The following BCL2L14 variants were observed in gnomAD, a reference collection of about 807,000 sequenced individuals.
BCL2L14 encodes the protein BCL2 like 14, also known as apoptosis facilitator Bcl-2-like protein 14.
BCL2L14 carries 27 observed loss-of-function variants against 35.3 expected under a neutral mutation model. The ratio of observed to expected loss-of-function variants is 0.76; its 90% CI spans 0.56 to 1.05. The LOEUF (loss-of-function observed/expected upper bound fraction) is 1.05, where lower values mean the gene tolerates loss of function less well. Ranked by LOEUF, BCL2L14 falls within the 50% of genes least tolerant of loss-of-function variation. BCL2L14 has a pLI of 0.00. For synonymous variants in BCL2L14, 139 were observed against 145.9 expected, an observed-to-expected ratio of 0.95 and a Z score of 0.34; for missense variants, 377 against 382.6, an observed-to-expected ratio of 0.99 and a Z score of 0.12.
At chr12:12,052,052 T>C (rs1171364403) in intron 2 of BCL2L14, among the ~76,000 whole-genome samples, 1 of 152,206 alleles carries the variant, frequency 6.6e-6, no homozygotes, top group Non-Finnish European at 1.5e-5. Context: ...TGTTTTCTTT[T>C]TCTTTTTTGA....
intron 2 of BCL2L14, among the ~76,000 whole-genome samples, chr12:12,059,915 G>A (rs1401040887): frequency 1.3e-5 from 2 of 152,128 alleles, no homozygotes; most frequent in Non-Finnish European, 2.9e-5. Flanking sequence ...GATGCCTGAT[G>A]TCCAGGCATT....
rs1185688187 is a variant in BCL2L14, at chr12:12,087,205, T to C, written c.434-8T>C. On this transcript the variant is annotated splice_polypyrimidine_tract_variant and splice_region_variant and intron_variant, in intron 2 of 5. Coordinates refer to ENST00000308721, the MANE Select transcript of BCL2L14 (RefSeq NM_138723.2). The stretch of plus-strand genomic sequence containing the variant: ...AGGGCCTCTCAGCACCATTTTGTCT[T>C]GTTTCAGCTGTGGACCCCAAAGTCA... 2 of 1,613,874 alleles carry C rather than the reference T, an allele frequency of 1.2e-6. No homozygotes were observed. Among genetic ancestry groups the C allele is most frequent in the East Asian group, 2.2e-5 (1 of 44,876 alleles).
chr12:12,087,374 AGTTCT>A lies in BCL2L14; in HGVS notation c.596_600del (p.Ser199LysfsTer4). The A allele has an allele frequency of 6.2e-7, 1 of 1,614,092 alleles. No homozygotes were observed. Among genetic ancestry groups the A allele is most frequent in the Non-Finnish European group, 8.5e-7 (1 of 1,180,014 alleles). On this transcript the variant is annotated frameshift_variant, in exon 3 of 6. Coordinates refer to ENST00000308721, the MANE Select transcript of BCL2L14 (RefSeq NM_138723.2). LOFTEE classifies it high-confidence loss of function. ...CCAAGGCCACGTGCCTGTAGCTTCA[AGTTCT>A]AAGAAAGGTAAGCTTTCCTTCCCTG...
intron 2 of BCL2L14, among the ~76,000 whole-genome samples, chr12:12,086,022 G>A (rs1949034893): frequency 6.6e-6 from 1 of 152,164 alleles, no homozygotes; most frequent in East Asian, 1.9e-4. Context: ...TAAAAGTTTA[G>A]GATTTAGGTT....
At chr12:12,074,410 T>C (rs2136735626) in intron 1 of BCL2L14, among the ~76,000 whole-genome samples, 1 of 152,336 alleles carries the variant, frequency 6.6e-6, no homozygotes, top group East Asian at 1.9e-4. Context: ...ATGTACACTA[T>C]ATATACTTGA....
intron 5 of BCL2L14, chr12:12,096,314 A>G (rs1343311389): frequency 6.8e-6 from 2 of 293,532 alleles, no homozygotes; most frequent in Non-Finnish European, 1.0e-5. Flanking sequence ...TGTAGCTAAA[A>G]TACCATAAAT....
At chr12:12,050,390 G>A (rs1366546208) in intron 1 of BCL2L14, among the ~76,000 whole-genome samples, 4 of 139,488 alleles carry the variant, frequency 2.9e-5, no homozygotes, top group Admixed American at 2.3e-4. Context: ...CCTAGATTGC[G>A]CCACTGCACT....
At chr12:12,069,413 T>A (rs566664580), upstream of BCL2L14, among the ~76,000 whole-genome samples, 1 of 151,982 alleles carries the variant, frequency 6.6e-6, no homozygotes, top group African/African-American at 2.4e-5. Context: ...AGGTTGCAAG[T>A]TTTTGGCCAG....
chr12:12,090,841 G>C lies in BCL2L14; in HGVS notation c.670G>C (p.Glu224Gln). 6.2e-7 allele frequency: 1 copy of C among 1,612,578 alleles called. No individual in the cohort carries two copies. Among genetic ancestry groups the C allele is most frequent in the Non-Finnish European group, 8.5e-7 (1 of 1,179,068 alleles). Residue 224 changes from glutamate (E) to glutamine (Q), a missense_variant, in exon 4 of 6, where the codon GAA becomes CAA. Coordinates refer to ENST00000308721, the MANE Select transcript of BCL2L14 (RefSeq NM_138723.2). Reference sequence around the variant, plus strand: ...GCTGAAATATTCAGGAGATCAGTTGGAAAGAAAGGTATGGAACACCTTGAA... The same window carrying C: ...GCTGAAATATTCAGGAGATCAGTTGCAAAGAAAGGTATGGAACACCTTGAA... ...ELLKYSGDQL[E>Q]RKLKKDKALM... is the part of the protein sequence containing the mutation.
At chr12:12,075,576 C>A (rs539606077) in intron 1 of BCL2L14, among the ~76,000 whole-genome samples, 9 of 152,040 alleles carry the variant, frequency 5.9e-5, no homozygotes, top group South Asian at 2.1e-4. Flanking sequence ...CAGGCATGTG[C>A]CACCATGCCT....
chr12:12,065,463 G>C (rs1310428938), intron 2 of BCL2L14, among the ~76,000 whole-genome samples: 1 of 151,880 alleles, frequency 6.6e-6, no homozygotes, highest in African/African-American at 2.4e-5. Flanking sequence ...TTGAACCGGG[G>C]AGGCGGAGGT....
chr12:12,063,120 C>A (rs937948928), intron 2 of BCL2L14, among the ~76,000 whole-genome samples: 3 of 151,690 alleles, frequency 2.0e-5, no homozygotes, highest in Non-Finnish European at 4.4e-5. Flanking sequence ...AACTTGTCAT[C>A]CCTACTATCT....
chr12:12,076,677 T>C (rs929767191), intron 1 of BCL2L14, among the ~76,000 whole-genome samples: 1 of 152,112 alleles, frequency 6.6e-6, no homozygotes, highest in African/African-American at 2.4e-5. Context: ...CTCACTTCCA[T>C]CAGAACGCAC....
chr12:12,075,808 C>T (rs919371588), intron 1 of BCL2L14, among the ~76,000 whole-genome samples: 2 of 151,904 alleles, frequency 1.3e-5, no homozygotes, highest in Admixed American at 6.6e-5. Context: ...TTGAAGAAAC[C>T]GGCCATTTGT....
At chr12:12,087,674 G>A (rs1949077607) in intron 3 of BCL2L14, among the ~76,000 whole-genome samples, 1 of 152,258 alleles carries the variant, frequency 6.6e-6, no homozygotes, top group South Asian at 2.1e-4. Context: ...CTTGTCTGTG[G>A]CGGAAAATGC....
Position 12,087,362 on chromosome 12 carries a change from C to T in BCL2L14, c.583C>T (p.Pro195Ser). Residue 195 changes from proline to serine, a missense_variant, in exon 3 of 6, where the codon CCT (proline) becomes TCT (serine). Physicochemically the swap from Pro to Ser is moderately conservative, Grantham distance 74 (BLOSUM62 -1). Coordinates refer to ENST00000308721, the MANE Select transcript of BCL2L14 (RefSeq NM_138723.2). ...CTCCTTCCAGCTCCAAGGCCACGTG[C>T]CTGTAGCTTCAAGTTCTAAGAAAGG... ...GLSFQLQGHVPVASSSKKDEE... is the reference protein window; with the variant it reads ...GLSFQLQGHVSVASSSKKDEE... 6.2e-7 allele frequency: 1 copy of T among 1,614,196 alleles called. No individual in the cohort carries two copies. Among genetic ancestry groups the T allele is most frequent in the Non-Finnish European group, 8.5e-7 (1 of 1,180,032 alleles).
rs189464933 is a variant in BCL2L14 at position 12,058,697 on chromosome 12, T to G, written c.-272+6850T>G. Among the ~76,000 whole-genome samples the G allele has an allele frequency of 2.3e-3, 356 of 152,108 alleles. 4 individuals carry two copies. The highest frequency in any genetic ancestry group is 0.016 in the Admixed American group (243 of 15,268). Reference sequence around the variant, plus strand: ...CCCTTCACTGACTCTCTTTTCGGACTCAGCCCGCCTGCACCCAGGTGAAAT... The same window carrying G: ...CCCTTCACTGACTCTCTTTTCGGACGCAGCCCGCCTGCACCCAGGTGAAAT... On this transcript the variant is annotated intron_variant, in intron 2 of 3. Transcript: ENST00000461264.
intron 3 of BCL2L14, 49 bp from the exon 4 acceptor site, chr12:12,090,730 A>G: frequency 6.7e-7 from 1 of 1,487,310 alleles, no homozygotes; most frequent in South Asian, 1.2e-5. Flanking sequence ...AAAATGTAAG[A>G]TTATTTTTTG....
intron 2 of BCL2L14, among the ~76,000 whole-genome samples, chr12:12,061,785 G>A (rs1170384178): frequency 1.3e-5 from 2 of 152,156 alleles, no homozygotes; most frequent in East Asian, 3.9e-4. Flanking sequence ...CTTCAGTCAA[G>A]CCCAAATTTC....
Sources: gnomAD v4.1 joint callset for allele counts (sites outside exome capture counted in the v4.1 genomes callset) on GRCh38, gnomAD v4.1.1 for gene constraint, MANE v1.5 for transcripts, NCBI Gene and HGNC (gene_info 2026-07-23, HGNC 2026-07-21) for gene names.